Variants in TXLNG observed in about 807,000 individuals in gnomAD.
TXLNG encodes the protein gamma-taxilin.
A neutral mutation model predicts 38.8 loss-of-function variants in TXLNG; 5 were observed. The observed-to-expected ratio is 0.13, with a 90% CI of 0.07 to 0.27. TXLNG has a LOEUF of 0.27. TXLNG is among the 10% of genes least tolerant of loss of function. The pLI, the probability that TXLNG is intolerant of heterozygous loss-of-function variation, is 1.00. For synonymous variants in TXLNG, 182 were observed against 158.2 expected (o/e 1.15, Z -1.13); for missense variants, 393 against 398.2 (o/e 0.99, Z 0.11).
Position 16,841,776 on chromosome X carries a change from T to A in TXLNG, c.*10T>A. The stretch of plus-strand genomic sequence containing the variant: ...CGAGTCGGTTGACTAAGATGAGGTG[T>A]GATCACTGTATTGAGAGATATATTT... On this transcript the variant is annotated 3_prime_UTR_variant, in exon 10 of 10. Coordinates refer to ENST00000380122, the MANE Select transcript of TXLNG (RefSeq NM_018360.3). 1.7e-6 allele frequency: 2 copies of A among 1,197,385 alleles called. No homozygotes were observed. Among genetic ancestry groups the A allele is most frequent in the Non-Finnish European group, 2.3e-6 (2 of 886,378 alleles).
At chrX:16,796,798 C>G (rs1322726341) in intron 1 of TXLNG, among the ~76,000 whole-genome samples, 1 of 110,828 alleles carries the variant, frequency 9.0e-6, no homozygotes, top group Non-Finnish European at 1.9e-5. Context: ...TTTGACAGAG[C>G]TGGCCTTCTA....
intron 3 of TXLNG, among the ~76,000 whole-genome samples, chrX:16,824,558 A>G (rs1929100516): frequency 9.0e-6 from 1 of 110,693 alleles, no homozygotes; most frequent in South Asian, 3.8e-4. Context: ...CTGTCAGAGG[A>G]AAGATTGTAC....
intron 5 of TXLNG, 47 bp downstream of exon 5, chrX:16,829,817 G>A: frequency 8.7e-7 from 1 of 1,151,965 alleles, no homozygotes; most frequent in Non-Finnish European, 1.2e-6. Flanking sequence ...ATTAGCAAAA[G>A]TGTCACCATT....
intron 1 of TXLNG, among the ~76,000 whole-genome samples, chrX:16,802,089 G>T: frequency 9.4e-6 from 1 of 106,733 alleles, no homozygotes; most frequent in East Asian, 2.9e-4. Flanking sequence ...GAGTAGCTGG[G>T]ATTACAGGCA....
chrX:16,797,598 T>C (rs943283816), intron 1 of TXLNG, among the ~76,000 whole-genome samples: 1 of 112,562 alleles, frequency 8.9e-6, no homozygotes, highest in African/African-American at 3.2e-5. Context: ...TCTTGCCACA[T>C]GGGTCTTTCT....
At chrX:16,808,253 C>G (rs1356766733) in intron 1 of TXLNG, among the ~76,000 whole-genome samples, 4 of 111,764 alleles carry the variant, frequency 3.6e-5, no homozygotes, top group Non-Finnish European at 7.5e-5. Context: ...CTAAAAGGTA[C>G]ACATGCTGCT....
chrX:16,801,736 A>T (rs934854768), intron 1 of TXLNG, among the ~76,000 whole-genome samples: 5 of 110,594 alleles, frequency 4.5e-5, no homozygotes, highest in African/African-American at 1.3e-4. Flanking sequence ...CTGCTTATAA[A>T]TGAGTCTACA....
intron 6 of TXLNG, 100 bp downstream of exon 6, chrX:16,832,842 C>T (rs1052924383): frequency 1.7e-4 from 172 of 1,035,987 alleles, no homozygotes; most frequent in Non-Finnish European, 2.2e-4. Flanking sequence ...AAACATTTAT[C>T]TATTCTACCT....
chrX:16,806,896 G>C (rs1330650873), intron 1 of TXLNG, among the ~76,000 whole-genome samples: 1 of 95,071 alleles, frequency 1.1e-5, no homozygotes, highest in East Asian at 3.3e-4. Context: ...CATCCTGGGG[G>C]ACAGAGCGAG....
intron 1 of TXLNG, among the ~76,000 whole-genome samples, chrX:16,802,799 G>A (rs1451662871): frequency 3.8e-5 from 4 of 105,400 alleles, no homozygotes; most frequent in African/African-American, 1.4e-4. Context: ...GCTCGGAGAA[G>A]GCCAAGATGC....
rs181314400 is a variant in TXLNG at position 16,791,423 on chromosome X, C to T, written c.102+4834C>T. 8.1e-5 allele frequency among the ~76,000 whole-genome samples: 9 copies of T among 111,631 alleles called. No individual in the cohort carries two copies. In the East Asian group the frequency reaches 2.2e-3, roughly 28 times the overall value. ...CACCATTGTTTTCTAATTGTATCAC[C>T]AAGCTTTGGTAAATTTATTTTTTTC... On this transcript the variant is annotated intron_variant, in intron 1 of 9. Transcript: ENST00000380122.
rs1366589659 is a variant in TXLNG, at chrX:16,786,470, G to C, written c.-18G>C. On this transcript the variant is annotated 5_prime_UTR_variant, in exon 1 of 10. Coordinates refer to ENST00000380122, the MANE Select transcript of TXLNG (RefSeq NM_018360.3). ...GTGCCCCTTGTCGGGCCGCTTGTTT[G>C]GCTGCTGCCGTCACCTCATGGCGAC... The C allele has an allele frequency of 9.0e-7, 1 of 1,106,686 alleles. No homozygotes were observed. Among genetic ancestry groups the C allele is most frequent in the Non-Finnish European group, 1.2e-6 (1 of 844,911 alleles). 91.2% of individuals were successfully genotyped at this position (1,106,686 alleles called of 1,213,427 possible).
At chrX:16,800,436 C>G (rs1237815006) in intron 1 of TXLNG, among the ~76,000 whole-genome samples, 1 of 109,886 alleles carries the variant, frequency 9.1e-6, no homozygotes, top group Non-Finnish European at 1.9e-5. Context: ...TGTTTAGAGG[C>G]GGAGTGTTGC....
At chrX:16,816,237 T>G (rs1399848403) in intron 1 of TXLNG, among the ~76,000 whole-genome samples, 1 of 109,232 alleles carries the variant, frequency 9.2e-6, no homozygotes, top group Non-Finnish European at 1.9e-5. Flanking sequence ...CTCAAGTGAT[T>G]TGCCCACCTC....
chrX:16,828,757 T>C (rs1215692422), intron 4 of TXLNG, among the ~76,000 whole-genome samples: 1 of 112,317 alleles, frequency 8.9e-6, no homozygotes, highest in Non-Finnish European at 1.9e-5. Flanking sequence ...CTTGGCTGAT[T>C]GTAAAGGAAG....
intron 7 of TXLNG, among the ~76,000 whole-genome samples, chrX:16,836,496 C>T (rs1238649692): frequency 8.9e-6 from 1 of 112,328 alleles, no homozygotes; most frequent in Non-Finnish European, 1.9e-5. Context: ...ACAGGGACCT[C>T]GTCTAGCCTA....
chrX:16,790,360 C>G (rs1291662186), intron 1 of TXLNG, among the ~76,000 whole-genome samples: 2 of 110,354 alleles, frequency 1.8e-5, no homozygotes, highest in East Asian at 5.7e-4. Flanking sequence ...CTGACAGCCA[C>G]TGATTTTATT....
intron 3 of TXLNG, among the ~76,000 whole-genome samples, chrX:16,827,358 C>CT (rs1929207557): frequency 9.0e-6 from 1 of 111,666 alleles, no homozygotes; most frequent in African/African-American, 3.3e-5. Context: ...ACATGCCTGG[C>CT]TTTAGCACTG....
rs771831651 is a variant in TXLNG, at chrX:16,840,570, G to A, written c.1248+654G>A. 36 of 394,260 alleles carry A rather than the reference G, an allele frequency of 9.1e-5. No homozygotes were observed. The South Asian group carries it at 1.5e-3, about 16-fold the overall frequency. The allele number at this position is 394,260 out of a possible 1,213,427, so 32.5% of individuals were successfully genotyped here. Reference sequence around the variant, plus strand: ...AGGCGGATCATGAGGTCAAGAGATCGAGACCAGCCTGGCCAACATCGTGAA... The same window carrying A: ...AGGCGGATCATGAGGTCAAGAGATCAAGACCAGCCTGGCCAACATCGTGAA... On this transcript the variant is annotated intron_variant, in intron 9 of 9. Transcript: ENST00000380122.
Sources: allele counts gnomAD v4.1 joint callset (sites outside exome capture counted in the v4.1 genomes callset), GRCh38; gene constraint gnomAD v4.1.1; transcripts MANE v1.5; gene names NCBI Gene and HGNC (gene_info 2026-07-23, HGNC 2026-07-21).